Variants in HSD3B2 observed in about 807,000 individuals in gnomAD.
HSD3B2 encodes hydroxy-delta-5-steroid dehydrogenase, 3 beta- and steroid delta-isomerase 2, also known as 3 beta-hydroxysteroid dehydrogenase/Delta 5-->4-isomerase type 2.
In HSD3B2, 8 loss-of-function variants were observed where a neutral mutation model predicts 9.9. The observed-to-expected ratio is 0.81, with a 90% CI of 0.47 to 1.46. The LOEUF (loss-of-function observed/expected upper bound fraction) is 1.46, where lower values mean the gene tolerates loss of function less well. Among genes scored for constraint, HSD3B2 ranks in the 40% most tolerant of loss-of-function variants. The pLI, the probability that HSD3B2 is intolerant of heterozygous loss-of-function variation, is 0.00. For missense variants in HSD3B2, 410 were observed against 448.3 expected, an observed-to-expected ratio of 0.91 and a Z score of 0.77; for synonymous variants, 221 against 184.5, an observed-to-expected ratio of 1.20 and a Z score of -1.60.
intron 3 of HSD3B2, among the ~76,000 whole-genome samples, chr1:119,420,158 A>C (rs1651821847): frequency 6.6e-6 from 1 of 152,188 alleles, no homozygotes; most frequent in African/African-American, 2.4e-5. Context: ...AGAGTTTCCC[A>C]GTGTCCAGAA....
chr1:119,422,416 C>G lies in HSD3B2; in HGVS notation c.915C>G (p.Ser305Arg). The G allele has an allele frequency of 6.2e-7, 1 of 1,614,124 alleles. No individual in the cohort carries two copies. The highest frequency in any genetic ancestry group is 1.1e-5 in the South Asian group (1 of 91,078). ...FLLEVVSFLLSPIYSYQPPFN... is the reference protein window; with the variant it reads ...FLLEVVSFLLRPIYSYQPPFN... ...TGGAAGTAGTGAGCTTCCTACTCAGCCCAATTTACTCCTATCAACCCCCCT... is the reference window on the plus strand; with the variant it reads ...TGGAAGTAGTGAGCTTCCTACTCAGGCCAATTTACTCCTATCAACCCCCCT... The change falls in exon 4 of 4, where the codon AGC becomes AGG. Residue 305 changes from serine (S) to arginine (R), a missense_variant. Coordinates refer to ENST00000369416, the MANE Select transcript of HSD3B2 (RefSeq NM_000198.4).
At chr1:119,415,264 T>TA (rs1651670943) in intron 1 of HSD3B2, 62 bp downstream of exon 1, 1 of 741,040 alleles carries the variant, frequency 1.3e-6, no homozygotes, top group Admixed American at 2.1e-5. Context: ...GGAATTTTTG[T>TA]AAAAAATGGG....
At chr1:119,419,002 T>A (rs1025261243) in intron 2 of HSD3B2, among the ~76,000 whole-genome samples, 6 of 152,154 alleles carry the variant, frequency 3.9e-5, no homozygotes, top group Non-Finnish European at 7.3e-5. Flanking sequence ...GACATGGTGC[T>A]GGAGACCCAA....
chr1:119,420,901 C>A (rs183455599), intron 3 of HSD3B2, among the ~76,000 whole-genome samples: 1 of 152,102 alleles, frequency 6.6e-6, no homozygotes, highest in African/African-American at 2.4e-5. Context: ...AATGCCAGGG[C>A]AGGATTTAAA....
chr1:119,422,310 T>C lies in HSD3B2; in HGVS notation c.809T>C (p.Ile270Thr), dbSNP rs75429891. 1,131 of 1,614,118 alleles carry C rather than the reference T, an allele frequency of 7.0e-4. 1 individual carries two copies. The highest frequency in any genetic ancestry group is 9.1e-4 in the Non-Finnish European group (1,073 of 1,180,000). The change falls in exon 4 of 4, where the codon ATC (isoleucine) becomes ACC (threonine). Residue 270 changes from isoleucine to threonine, a missense_variant. Physicochemically the swap from Ile to Thr is moderately conservative, Grantham distance 89. Coordinates refer to ENST00000369416, the MANE Select transcript of HSD3B2 (RefSeq NM_000198.4). The part of the protein sequence containing the change: ...PHQSYDNLNY[I>T]LSKEFGLRLD... Reference sequence around the variant, plus strand: ...CAAAGCTATGATAACCTTAATTACATCCTGAGCAAAGAGTTTGGCCTCCGC... The same window carrying C: ...CAAAGCTATGATAACCTTAATTACACCCTGAGCAAAGAGTTTGGCCTCCGC...
chr1:119,421,797 C>G lies in HSD3B2; in HGVS notation c.308-12C>G, dbSNP rs1651884486. 10 of 1,613,526 alleles carry G rather than the reference C, an allele frequency of 6.2e-6. No individual in the cohort carries two copies. Among genetic ancestry groups the G allele is most frequent in the Non-Finnish European group, 5.9e-6 (7 of 1,179,726 alleles). On this transcript the variant is annotated splice_polypyrimidine_tract_variant and intron_variant, in intron 3 of 3. Coordinates refer to ENST00000369416, the MANE Select transcript of HSD3B2 (RefSeq NM_000198.4). ...TATTTCCTGACACTGTCATCATGCT[C>G]TTCGTGGGCAGGTACCCAGCTACTG... is the stretch of plus-strand genomic sequence containing the variant.
chr1:119,415,477 C>A lies in HSD3B2; in HGVS notation c.58C>A (p.Arg20Ser). The stretch of plus-strand genomic sequence containing the variant: ...AGGGCTTCTGGGTCAGAGGATCGTC[C>A]GCCTGTTGGTGGAAGAGAAGGAACT... ...AGGLLGQRIV[R>S]LLVEEKELKE... The change falls in exon 2 of 4, where the codon CGC becomes AGC. Residue 20 changes from arginine to serine, a missense_variant. Arg to Ser is a moderately radical substitution (Grantham distance 110). Coordinates refer to ENST00000369416, the MANE Select transcript of HSD3B2 (RefSeq NM_000198.4). The A allele has an allele frequency of 6.2e-7, 1 of 1,613,844 alleles. No homozygotes were observed. Among genetic ancestry groups the A allele is most frequent in the Non-Finnish European group, 8.5e-7 (1 of 1,179,872 alleles).
In HSD3B2 at chr1:119,422,290, C is replaced by T. The variant is rs771688849; in HGVS notation, c.789C>T (p.Ser263=). The T allele has an allele frequency of 6.2e-7, 1 of 1,614,122 alleles. No individual in the cohort carries two copies. The highest frequency in any genetic ancestry group is 8.5e-7 in the Non-Finnish European group (1 of 1,180,000). ...YYISDDTPHQ[S]YDNLNYILSK... Reference sequence around the variant, plus strand: ...TCTCAGATGACACGCCTCACCAAAGCTATGATAACCTTAATTACATCCTGA... The same window carrying T: ...TCTCAGATGACACGCCTCACCAAAGTTATGATAACCTTAATTACATCCTGA... The change falls in exon 4 of 4, where the codon AGC becomes AGT. Residue 263 remains serine, a synonymous_variant. Transcript: ENST00000369416.
intron 2 of HSD3B2, 87 bp downstream of exon 2, chr1:119,415,648 A>G: frequency 7.1e-7 from 1 of 1,415,454 alleles, no homozygotes; most frequent in Non-Finnish European, 1.0e-6. Context: ...CAAGTTAAGG[A>G]AAGTTGTAGC....
Position 119,415,203 on chromosome 1 carries a change from G to T in HSD3B2, c.-90+1G>T. 1 of 545,894 alleles carries T rather than the reference G, an allele frequency of 1.8e-6. No homozygotes were observed. The highest frequency in any genetic ancestry group is 3.3e-6 in the Non-Finnish European group (1 of 301,410). 33.8% of individuals were successfully genotyped at this position (545,894 alleles called of 1,614,324 possible). A position where few individuals can be genotyped will look rare whatever the true frequency, so the allele number is the denominator to read the frequency against. On this transcript the variant is annotated splice_donor_variant, in intron 1 of 3. Coordinates refer to ENST00000369416, the MANE Select transcript of HSD3B2 (RefSeq NM_000198.4). LOFTEE classifies it low-confidence loss of function (5UTR_SPLICE). ...CCAGCTTTTAACAATCTAAGTTACG[G>T]TTAGAGCTTTCTCCTTTTCTTTCAA...
intron 3 of HSD3B2, 103 bp from the exon 4 acceptor site, chr1:119,421,706 C>A: frequency 3.1e-6 from 4 of 1,287,512 alleles, no homozygotes; most frequent in Non-Finnish European, 3.4e-6. Context: ...TCTGTTATAA[C>A]CACTGCACTT....
chr1:119,415,728 A>T (rs1333053378), intron 2 of HSD3B2, among the ~76,000 whole-genome samples, 167 bp downstream of exon 2: 1 of 152,178 alleles, frequency 6.6e-6, no homozygotes, highest in African/African-American at 2.4e-5. Context: ...AGTGTGAAAG[A>T]TACTGGATGG....
Position 119,422,624 on chromosome 1 carries a change from A to T in HSD3B2, c.*4A>T. 1 of 1,613,740 alleles carries T rather than the reference A, an allele frequency of 6.2e-7. No individual in the cohort carries two copies. Among genetic ancestry groups the T allele is most frequent in the South Asian group, 1.1e-5 (1 of 91,054 alleles). ...CCTGAAGTCCAAGACTCAGTGATTT[A>T]AGGATGACAGAGATGTGCATGTGGG... On this transcript the variant is annotated 3_prime_UTR_variant, in exon 4 of 4. Coordinates refer to ENST00000369416, the MANE Select transcript of HSD3B2 (RefSeq NM_000198.4).
Position 119,422,955 on chromosome 1 carries a change from C to T in HSD3B2, c.*335C>T, listed in dbSNP as rs1016074008. 6.7e-6 allele frequency: 3 copies of T among 448,294 alleles called. No homozygotes were observed. Among genetic ancestry groups the T allele is most frequent in the Admixed American group, 3.8e-5 (1 of 26,118 alleles). 27.8% of individuals were successfully genotyped at this position (448,294 alleles called of 1,614,324 possible). Reference sequence around the variant, plus strand: ...CCATTTCCCCTCTTAAATGAGAAAGCATTTCTTTTCTCTTTAATCTCCTAT... The same window carrying T: ...CCATTTCCCCTCTTAAATGAGAAAGTATTTCTTTTCTCTTTAATCTCCTAT... On this transcript the variant is annotated 3_prime_UTR_variant, in exon 4 of 4. Coordinates refer to ENST00000369416, the MANE Select transcript of HSD3B2 (RefSeq NM_000198.4).
intron 2 of HSD3B2, among the ~76,000 whole-genome samples, chr1:119,416,861 C>T (rs1326391420): frequency 6.6e-6 from 1 of 152,182 alleles, no homozygotes. Flanking sequence ...TATTTACAAT[C>T]TAACATCTGA....
At chr1:119,419,728 C>T in intron 3 of HSD3B2, 146 bp downstream of exon 3, 1 of 794,270 alleles carries the variant, frequency 1.3e-6, no homozygotes, top group South Asian at 1.5e-5. Flanking sequence ...CTGGGGAGTT[C>T]AAGGCTGGTA....
chr1:119,416,907 G>T (rs1651726536), intron 2 of HSD3B2, among the ~76,000 whole-genome samples: 2 of 152,234 alleles, frequency 1.3e-5, no homozygotes, highest in African/African-American at 4.8e-5. Flanking sequence ...TAGAGGAAGA[G>T]TTCTGCTATG....
rs762995520 is a variant in HSD3B2, at chr1:119,422,452, C to T, written c.951C>T (p.His317=). The change falls in exon 4 of 4, where the codon CAC becomes CAT. Residue 317 remains histidine (H), a synonymous_variant. Coordinates refer to ENST00000369416, the MANE Select transcript of HSD3B2 (RefSeq NM_000198.4). The part of the protein sequence containing the change: ...IYSYQPPFNR[H]TVTLSNSVFT... ...CCTATCAACCCCCCTTCAACCGCCACACAGTCACATTATCAAATAGTGTGT... is the reference window on the plus strand; with the variant it reads ...CCTATCAACCCCCCTTCAACCGCCATACAGTCACATTATCAAATAGTGTGT... 1 of 1,614,148 alleles carries T rather than the reference C, an allele frequency of 6.2e-7. No homozygotes were observed. Among genetic ancestry groups the T allele is most frequent in the East Asian group, 2.2e-5 (1 of 44,864 alleles).
At chr1:119,421,763 C>T (rs760152320) in intron 3 of HSD3B2, 46 bp from the exon 4 acceptor site, 9 of 1,608,090 alleles carry the variant, frequency 5.6e-6, no homozygotes, top group Non-Finnish European at 6.8e-6. Context: ...GGTTGCAGCT[C>T]CTTTGGGATA....
Sources: allele counts gnomAD v4.1 joint callset (sites outside exome capture counted in the v4.1 genomes callset), GRCh38; gene constraint gnomAD v4.1.1; transcripts MANE v1.5; gene names NCBI Gene and HGNC (gene_info 2026-07-23, HGNC 2026-07-21).